LGR6: variants seen among roughly 807,000 people sequenced by gnomAD.
LGR6 encodes leucine rich repeat containing G protein-coupled receptor 6.
A neutral mutation model predicts 69.4 loss-of-function variants in LGR6; 45 were observed. The ratio of observed to expected loss-of-function variants is 0.65; its 90% CI spans 0.51 to 0.83. The LOEUF (loss-of-function observed/expected upper bound fraction) is 0.83. Ranked by LOEUF, LGR6 falls within the 40% of genes least tolerant of loss-of-function variation. The probability of loss-of-function intolerance (pLI) is 0.00; values close to 1 mark genes in which losing one functional copy is unlikely to be tolerated. For synonymous variants in LGR6, 538 were observed against 555.0 expected, an observed-to-expected ratio of 0.97 and a Z score of 0.43; for missense variants, 1,108 against 1,246.7, an observed-to-expected ratio of 0.89 and a Z score of 1.68.
chr1:202,265,271 A>G (rs941745677), intron 4 of LGR6, among the ~76,000 whole-genome samples: 1 of 152,046 alleles, frequency 6.6e-6, no homozygotes, highest in African/African-American at 2.4e-5. Flanking sequence ...CTCTGTCACC[A>G]TGGGACTGTC....
intron 4 of LGR6, among the ~76,000 whole-genome samples, chr1:202,244,784 G>A (rs1460081168): frequency 1.3e-5 from 2 of 152,206 alleles, no homozygotes; most frequent in Non-Finnish European, 2.9e-5. Flanking sequence ...TACAAGGCGA[G>A]GAGGGAAAGT....
Position 202,251,357 on chromosome 1 carries a change from T to G in LGR6, c.428+15364T>G, listed in dbSNP as rs142408094. Among the ~76,000 whole-genome samples, 551 of 152,318 alleles carry G rather than the reference T, an allele frequency of 3.6e-3. 5 individuals are homozygous for G. The highest frequency in any genetic ancestry group is 0.013 in the African/African-American group (528 of 41,580). On this transcript the variant is annotated intron_variant, in intron 4 of 17. Transcript: ENST00000367278. Reference sequence around the variant, plus strand: ...TCTTCTGCAGCCAACAATAACATAATTTAGAATTACCTGCTATATGAGGAT... The same window carrying G: ...TCTTCTGCAGCCAACAATAACATAAGTTAGAATTACCTGCTATATGAGGAT...
rs184345692 is a variant in LGR6, at chr1:202,253,538, C to T, written c.428+17545C>T. On this transcript the variant is annotated intron_variant, in intron 4 of 17. Coordinates refer to ENST00000367278, the MANE Select transcript of LGR6 (RefSeq NM_001017403.2). Reference sequence around the variant, plus strand: ...CAGGCTGGTCTCGAACTCATGACCTCGTGATCCGCCTGCCTCGGCCTCCCA... The same window carrying T: ...CAGGCTGGTCTCGAACTCATGACCTTGTGATCCGCCTGCCTCGGCCTCCCA... Among the ~76,000 whole-genome samples, 906 of 151,100 alleles carry T rather than the reference C, an allele frequency of 6.0e-3. 6 individuals carry two copies. Among genetic ancestry groups the T allele is most frequent in the African/African-American group, 0.021 (874 of 41,210 alleles).
At chr1:202,310,050 A>T in intron 15 of LGR6, 147 bp from the exon 16 acceptor site, 1 of 748,618 alleles carries the variant, frequency 1.3e-6, no homozygotes, top group Non-Finnish European at 2.2e-6. Flanking sequence ...TGCCTAGGAG[A>T]CTGCCAGCAC....
At chr1:202,269,985 C>G (rs1301920233) in intron 4 of LGR6, among the ~76,000 whole-genome samples, 1 of 152,090 alleles carries the variant, frequency 6.6e-6, no homozygotes, top group African/African-American at 2.4e-5. Flanking sequence ...GAATCTGTCC[C>G]CTTTATCTTG....
rs1246562436 is a variant in LGR6, at chr1:202,204,480, A to C, written c.212+10279A>C. 4.9e-4 allele frequency among the ~76,000 whole-genome samples: 14 copies of C among 28,678 alleles called. 1 individual carries two copies. The highest frequency in any genetic ancestry group is 6.6e-4 in the Non-Finnish European group (10 of 15,236). The allele number at this position is 28,678 out of a possible 152,430, so 18.8% of individuals were successfully genotyped here. ...ACACACCTCCACACACACACCTCCAAACACACCTCCACACACACACCTCCA... is the reference window on the plus strand; with the variant it reads ...ACACACCTCCACACACACACCTCCACACACACCTCCACACACACACCTCCA... On this transcript the variant is annotated intron_variant, in intron 1 of 17. Transcript: ENST00000367278.
At chr1:202,312,915 CT>C (rs1235006494) in intron 16 of LGR6, among the ~76,000 whole-genome samples, 3 of 152,076 alleles carry the variant, frequency 2.0e-5, no homozygotes, top group Non-Finnish European at 4.4e-5. Flanking sequence ...TTGAGAAACA[CT>C]GCAAAAGTGA....
intron 1 of LGR6, among the ~76,000 whole-genome samples, chr1:202,211,395 C>T (rs953330854): frequency 2.6e-5 from 4 of 152,198 alleles, no homozygotes; most frequent in African/African-American, 9.7e-5. Context: ...ACTCTGTTAC[C>T]GAGGCTGGAG....
At position 202,300,780 on chromosome 1, in the gene LGR6, G is replaced by A; in HGVS notation, c.786-69G>A. The A allele has an allele frequency of 2.6e-6, 3 of 1,138,288 alleles. 1 individual carries two copies. The South Asian group carries it at 4.3e-5, about 16-fold the overall frequency. 70.5% of individuals were successfully genotyped at this position (1,138,288 alleles called of 1,614,324 possible). On this transcript the variant is annotated intron_variant, in intron 7 of 17. Transcript: ENST00000367278. ...CTAGCTTGCTGTCCAAAAGCCCTGT[G>A]GAATTCCATGCCTCTCCCTCTCTAT...
In LGR6 at chr1:202,228,027, A is replaced by C; in HGVS notation, c.356+20A>C. ...AATCCTGTAAGTATAGGTACACCTCATTTTACATAGAGCTGCAGCACTGAG... is the reference window on the plus strand; with the variant it reads ...AATCCTGTAAGTATAGGTACACCTCCTTTTACATAGAGCTGCAGCACTGAG... On this transcript the variant is annotated intron_variant, in intron 3 of 17. Coordinates refer to ENST00000367278, the MANE Select transcript of LGR6 (RefSeq NM_001017403.2). The C allele has an allele frequency of 6.4e-7, 1 of 1,564,656 alleles. No individual in the cohort carries two copies.
intron 1 of LGR6, among the ~76,000 whole-genome samples, chr1:202,207,761 C>T (rs562411104): frequency 6.6e-6 from 1 of 152,284 alleles, no homozygotes; most frequent in Admixed American, 6.5e-5. Context: ...CAACGATGCC[C>T]TTGTTAAATG....
chr1:202,215,909 G>C (rs930808910), intron 1 of LGR6, among the ~76,000 whole-genome samples: 1 of 150,902 alleles, frequency 6.6e-6, no homozygotes. Context: ...TGAACCTGCA[G>C]AGATCAGAGT....
At position 202,194,175 on chromosome 1, in the gene LGR6, G is replaced by C; in HGVS notation, c.186G>C (p.Gly62=). 2 of 1,565,230 alleles carry C rather than the reference G, an allele frequency of 1.3e-6. No homozygotes were observed. The highest frequency in any genetic ancestry group is 1.7e-6 in the Non-Finnish European group (2 of 1,164,378). The change falls in exon 1 of 18, where the codon GGG becomes GGC. Residue 62 remains glycine, a synonymous_variant. Transcript: ENST00000367278. ...AGCTCGGGCTGTCCGCCGTTCCGGG[G>C]GACCTGGACCCCCTGACGGCTTACC... ...CSELGLSAVP[G]DLDPLTAYLD...
intron 1 of LGR6, among the ~76,000 whole-genome samples, chr1:202,199,379 G>T (rs1173549566): frequency 6.6e-6 from 1 of 152,274 alleles, no homozygotes; most frequent in Non-Finnish European, 1.5e-5. Context: ...AGACCCGGGG[G>T]GTCGCCGGAG....
chr1:202,212,171 G>C (rs1318876068), intron 1 of LGR6, among the ~76,000 whole-genome samples: 7 of 152,196 alleles, frequency 4.6e-5, no homozygotes, highest in African/African-American at 1.4e-4. Context: ...GTGTCTGTTG[G>C]TTAAGTCCCC....
chr1:202,246,378 A>C (rs1373638901), intron 4 of LGR6, among the ~76,000 whole-genome samples: 6 of 20,128 alleles, frequency 3.0e-4, no homozygotes, highest in East Asian at 1.4e-3. Flanking sequence ...CCCTCCCTCC[A>C]TCCATCCCTC....
intron 9 of LGR6, among the ~76,000 whole-genome samples, chr1:202,302,607 C>T (rs938769259): frequency 1.4e-4 from 21 of 152,032 alleles, no homozygotes; most frequent in Non-Finnish European, 2.9e-4. Context: ...AGTGCAATAG[C>T]GCAGTCTCAG....
At chr1:202,263,526 G>C (rs1328872330) in intron 4 of LGR6, among the ~76,000 whole-genome samples, 1 of 152,184 alleles carries the variant, frequency 6.6e-6, no homozygotes, top group Non-Finnish European at 1.5e-5. Flanking sequence ...GAAACAACTT[G>C]AGTGTGTTTG....
At chr1:202,197,036 A>G (rs1474043788) in intron 1 of LGR6, 3 of 533,256 alleles carry the variant, frequency 5.6e-6, no homozygotes, top group Non-Finnish European at 1.2e-5. Flanking sequence ...GTAGCAGGCC[A>G]GAGAAGACTC....
Sources: gnomAD v4.1 joint callset for allele counts (sites outside exome capture counted in the v4.1 genomes callset) on GRCh38, gnomAD v4.1.1 for gene constraint, MANE v1.5 for transcripts, NCBI Gene and HGNC (gene_info 2026-07-23, HGNC 2026-07-21) for gene names.